Variants in CSF3R observed in about 807,000 individuals in gnomAD.
The protein encoded by CSF3R is granulocyte colony-stimulating factor receptor.
A neutral mutation model predicts 84.4 loss-of-function variants in CSF3R; 52 were observed. That is an observed-to-expected ratio of 0.62 (90% CI 0.49 to 0.78). The LOEUF (loss-of-function observed/expected upper bound fraction) is 0.78. Ranked by LOEUF, CSF3R falls within the 30% of genes least tolerant of loss-of-function variation. CSF3R has a pLI of 0.00. For missense variants in CSF3R, 890 were observed against 1,055.7 expected (o/e 0.84, Z 2.17); for synonymous variants, 384 against 429.1 (o/e 0.89, Z 1.30).
chr1:36,468,256 G>A, intron 12 of CSF3R, 35 bp from the exon 13 acceptor site: 14 of 1,540,730 alleles, frequency 9.1e-6, no homozygotes, highest in African/African-American at 1.4e-5. Context: ...GCTGAAGGGA[G>A]TGGGGCAGAG....
intron 12 of CSF3R, 177 bp from the exon 13 acceptor site, chr1:36,468,398 T>C: frequency 1.7e-6 from 1 of 597,842 alleles, no homozygotes; most frequent in Non-Finnish European, 2.8e-6. Flanking sequence ...TGCTAATAAG[T>C]GTCTGAGCCA....
At chr1:36,475,005 T>TG (rs1202660558) in intron 4 of CSF3R, among the ~76,000 whole-genome samples, 1 of 151,920 alleles carries the variant, frequency 6.6e-6, no homozygotes, top group Non-Finnish European at 1.5e-5. Context: ...CTCTTTTTTT[T>TG]TTTTCTTCTT....
chr1:36,473,925 G>T (rs770354945), intron 4 of CSF3R, 38 bp from the exon 5 acceptor site: 10 of 1,613,056 alleles, frequency 6.2e-6, no homozygotes, highest in Admixed American at 5.0e-5. Flanking sequence ...GCTTTGGGTG[G>T]GACCACTCAG....
In CSF3R at chr1:36,472,255, A is replaced by C. The variant is rs771166678; in HGVS notation, c.980T>G (p.Leu327Arg). Residue 327 changes from leucine to arginine, a missense_variant, in exon 8 of 17, where the codon CTG becomes CGG. By Grantham distance (102) the Leu-to-Arg change is moderately radical. Coordinates refer to ENST00000373106, the MANE Select transcript of CSF3R (RefSeq NM_000760.4). This position sits in a 1 kb window ranked among gnomAD's most constrained non-coding sequence, Gnocchi z 5.0. The stretch of plus-strand genomic sequence containing the variant: ...CTCCTTACCCCGTTCGGTAGTTCTC[A>C]GCTCCAGGCTGGGGCTCCAGTCGCT... ...HWSDWSPSLELRTTERAPTVR... is the reference protein window; with the variant it reads ...HWSDWSPSLERRTTERAPTVR... 1 of 1,614,124 alleles carries C rather than the reference A, an allele frequency of 6.2e-7. No individual in the cohort carries two copies. Among genetic ancestry groups the C allele is most frequent in the Non-Finnish European group, 8.5e-7 (1 of 1,179,996 alleles).
At position 36,467,452 on chromosome 1, in the gene CSF3R, G is replaced by C; in HGVS notation, c.1958+106C>G. The C allele has an allele frequency of 7.0e-7, 1 of 1,418,488 alleles. No individual in the cohort carries two copies. The allele number at this position is 1,418,488 out of a possible 1,614,324, so 87.9% of individuals were successfully genotyped here. ...TGGGGGCTGGGACTCTCAGACATGG[G>C]CCCCAAAGTTTGGGAAGGCTGGAAG... On this transcript the variant is annotated intron_variant, in intron 15 of 16. Coordinates refer to ENST00000373106, the MANE Select transcript of CSF3R (RefSeq NM_000760.4). This position sits in a 1 kb window ranked among gnomAD's most constrained non-coding sequence, Gnocchi z 4.1.
rs773263651 is a variant in CSF3R, at chr1:36,466,677, C to T, written c.2191G>A (p.Gly731Arg). 3 of 1,614,200 alleles carry T rather than the reference C, an allele frequency of 1.9e-6. No homozygotes were observed. Among genetic ancestry groups the T allele is most frequent in the Non-Finnish European group, 2.5e-6 (3 of 1,180,024 alleles). Reference sequence around the variant, plus strand: ...TGGGTGGAAACTGCTCTTGGGTCCCCCTGGAGCACATAGGTCTGGACCAGA... The same window carrying T: ...TGGGTGGAAACTGCTCTTGGGTCCCTCTGGAGCACATAGGTCTGGACCAGA... The part of the protein sequence containing the change: ...PTLVQTYVLQ[G>R]DPRAVSTQPQ... Residue 731 changes from glycine to arginine, a missense_variant, in exon 17 of 17, where the codon GGG (glycine) becomes AGG (arginine). Gly to Arg is a moderately radical substitution (Grantham distance 125, BLOSUM62 -2). Transcript: ENST00000373106. The surrounding 1 kb of genome is among the most constrained non-coding windows in gnomAD (Gnocchi z 4.6).
In CSF3R at chr1:36,473,443, A is replaced by G. The variant is rs1238404143; in HGVS notation, c.665T>C (p.Met222Thr). The change falls in exon 6 of 17, where the codon ATG (methionine) becomes ACG (threonine). Residue 222 changes from methionine (M) to threonine (T), a missense_variant. By Grantham distance (81) the Met-to-Thr change is moderately conservative. Transcript: ENST00000373106. Reference sequence around the variant, plus strand: ...TCCCCTGCATCACCCACCAACATCCATGGGATCAAGACACAGTTGTGGGGA... The same window carrying G: ...TCCCCTGCATCACCCACCAACATCCGTGGGATCAAGACACAGTTGTGGGGA... ...SMSPQLCLDP[M>T]DVVKLEPPML... is the part of the protein sequence containing the mutation. 7 of 1,613,602 alleles carry G rather than the reference A, an allele frequency of 4.3e-6. No individual in the cohort carries two copies. In the South Asian group the frequency reaches 4.4e-5, roughly 10 times the overall value.
chr1:36,467,485 GA>G lies in CSF3R; in HGVS notation c.1958+72del. 1 of 1,499,582 alleles carries G rather than the reference GA, an allele frequency of 6.7e-7. No individual in the cohort carries two copies. Among genetic ancestry groups the G allele is most frequent in the Non-Finnish European group, 9.3e-7 (1 of 1,078,434 alleles). 92.9% of individuals were successfully genotyped at this position (1,499,582 alleles called of 1,614,324 possible). On this transcript the variant is annotated intron_variant, in intron 15 of 16. Coordinates refer to ENST00000373106, the MANE Select transcript of CSF3R (RefSeq NM_000760.4). This position sits in a 1 kb window ranked among gnomAD's most constrained non-coding sequence, Gnocchi z 4.1. ...GTTTGGGAAGGCTGGAAGGGACTTA[GA>G]TGGGCCCATCTGGACCTGAGGTTCC...
chr1:36,482,300 G>A (rs1462955775), intron 1 of CSF3R, among the ~76,000 whole-genome samples: 6 of 106,448 alleles, frequency 5.6e-5, no homozygotes, highest in African/African-American at 2.0e-4. Context: ...GACCCAGAGA[G>A]TGGGCGGGGG....
Position 36,469,637 on chromosome 1 carries a change from C to G in CSF3R, c.1474+15G>C, listed in dbSNP as rs769098766. Reference sequence around the variant, plus strand: ...TTTGTCCCTGGCCCTGCCCAACTTTCCAGGCCAGCCTCACCCTTCAGCAGA... The same window carrying G: ...TTTGTCCCTGGCCCTGCCCAACTTTGCAGGCCAGCCTCACCCTTCAGCAGA... On this transcript the variant is annotated intron_variant, in intron 11 of 16. Coordinates refer to ENST00000373106, the MANE Select transcript of CSF3R (RefSeq NM_000760.4). The G allele has an allele frequency of 1.1e-5, 18 of 1,613,624 alleles. No homozygotes were observed. Among genetic ancestry groups the G allele is most frequent in the Non-Finnish European group, 1.4e-5 (17 of 1,180,042 alleles).
At chr1:36,470,222 TCGCCCAGGCTGGAGTGCAGTGG>T (rs1466943698) in intron 10 of CSF3R, among the ~76,000 whole-genome samples, 1 of 152,228 alleles carries the variant, frequency 6.6e-6, no homozygotes, top group African/African-American at 2.4e-5. Context: ...ACTTGCTCTG[TCGCCCAGGCTGGAGTGCAGTGG>T]CGCCATCTCG....
At chr1:36,475,951 C>T (rs1473939544) in intron 3 of CSF3R, 1 of 395,818 alleles carries the variant, frequency 2.5e-6, no homozygotes, top group Non-Finnish European at 4.6e-6. Context: ...AGTGCTCTCA[C>T]TGTAGCTGAT....
At chr1:36,479,411 C>CCT in intron 3 of CSF3R, 22 bp downstream of exon 3, 1 of 1,613,242 alleles carries the variant, frequency 6.2e-7, no homozygotes, top group South Asian at 1.1e-5. Flanking sequence ...CCCACTGCAC[C>CCT]CTCATCCTTG....
At chr1:36,471,752 C>G (rs890372295) in intron 9 of CSF3R, 106 bp from the exon 10 acceptor site, 2 of 1,178,330 alleles carry the variant, frequency 1.7e-6, no homozygotes, top group Admixed American at 2.0e-5. Context: ...CCTCCCCAGG[C>G]TGGGGTCCAG....
rs757569036 is a variant in CSF3R at position 36,473,540 on chromosome 1, G to A, written c.568C>T (p.Arg190Cys). The A allele has an allele frequency of 9.3e-6, 15 of 1,614,052 alleles. No homozygotes were observed. The highest frequency in any genetic ancestry group is 1.6e-4 in the Middle Eastern group (1 of 6,084). Residue 190 changes from arginine to cysteine, a missense_variant, in exon 6 of 17, where the codon CGC (arginine) becomes TGC (cysteine). Transcript: ENST00000373106. ...KDGQSHCCIPRKHLLLYQNMG... is the reference protein window; with the variant it reads ...KDGQSHCCIPCKHLLLYQNMG... ...TTCTGGTACAACAGCAGGTGTTTGC[G>A]TGGGATGCAGCAGTGGCTCTGCCCG... is the stretch of plus-strand genomic sequence containing the variant.
intron 9 of CSF3R, 68 bp from the exon 10 acceptor site, chr1:36,471,714 G>A (rs932588063): frequency 3.0e-5 from 46 of 1,525,608 alleles, no homozygotes; most frequent in Non-Finnish European, 4.1e-5. Flanking sequence ...GAGCCTCTAG[G>A]TGGGGTGGAT....
At chr1:36,479,578 G>A in intron 2 of CSF3R, 62 bp from the exon 3 acceptor site, 7 of 1,302,970 alleles carry the variant, frequency 5.4e-6, no homozygotes, top group Non-Finnish European at 7.8e-6. Context: ...CTTAATCCTT[G>A]TCTGTCACTG....
In CSF3R at chr1:36,467,761, C is replaced by T; in HGVS notation, c.1864+61G>A. ...AGTCCCCAGCTACTCTCAAAATCAG[C>T]ATCCTTTGGGTGGGGTACCCTCCAA... On this transcript the variant is annotated intron_variant, in intron 14 of 16. Transcript: ENST00000373106. This position sits in a 1 kb window ranked among gnomAD's most constrained non-coding sequence, Gnocchi z 4.1. The T allele has an allele frequency of 6.2e-7, 1 of 1,613,988 alleles. No individual in the cohort carries two copies.
At chr1:36,481,934 C>T (rs1259233045) in intron 1 of CSF3R, 1 of 152,568 alleles carries the variant, frequency 6.6e-6, no homozygotes, top group Non-Finnish European at 1.5e-5. Flanking sequence ...CTCGATGTCT[C>T]CTGGGCTGGC....
Sources: gnomAD v4.1 joint callset for allele counts (sites outside exome capture counted in the v4.1 genomes callset) on GRCh38, gnomAD v4.1.1 for gene constraint, Gnocchi (gnomAD v3.1) non-coding constraint, MANE v1.5 for transcripts, NCBI Gene and HGNC (gene_info 2026-07-23, HGNC 2026-07-21) for gene names.